Variants in NAE1 observed in about 807,000 individuals in gnomAD.
NAE1 encodes NEDD8-activating enzyme E1 regulatory subunit.
A neutral mutation model predicts 88.0 loss-of-function variants in NAE1; 59 were observed. That is an observed-to-expected ratio of 0.67 (90% CI 0.54 to 0.83). The LOEUF is 0.83. Ranked by LOEUF, NAE1 falls within the 40% of genes least tolerant of loss-of-function variation. The pLI is 0.00. For synonymous variants in NAE1, 186 were observed against 208.9 expected (o/e 0.89, Z 0.95); for missense variants, 554 against 632.8 (o/e 0.88, Z 1.34).
intron 9 of NAE1, 84 bp from the exon 10 acceptor site, chr16:66,817,112 A>G (rs1465963988): frequency 6.8e-7 from 1 of 1,462,878 alleles, no homozygotes; most frequent in African/African-American, 1.5e-5. Flanking sequence ...CCCATTCTCT[A>G]CATAAGATTT....
intron 7 of NAE1, among the ~76,000 whole-genome samples, chr16:66,820,457 T>C (rs1960204535): frequency 6.6e-6 from 1 of 152,168 alleles, no homozygotes; most frequent in Non-Finnish European, 1.5e-5. Flanking sequence ...TGCATGAGAA[T>C]GAAATAAAAG....
Position 66,816,568 on chromosome 16 carries a change from ACT to A in NAE1, c.840+11_840+12del. 6.4e-7 allele frequency: 1 copy of A among 1,566,736 alleles called. No homozygotes were observed. The highest frequency in any genetic ancestry group is 8.8e-7 in the Non-Finnish European group (1 of 1,138,506). The stretch of plus-strand genomic sequence containing the variant: ...TCTTGTTCATGTGAATCCCTCAGCA[ACT>A]CTTTCATTACCTGAGTTGTATTTAG... On this transcript the variant is annotated intron_variant, in intron 11 of 19. Coordinates refer to ENST00000290810, the MANE Select transcript of NAE1 (RefSeq NM_003905.4).
intron 1 of NAE1, 67 bp from the exon 2 acceptor site, chr16:66,826,847 G>C: frequency 6.9e-7 from 1 of 1,453,450 alleles, no homozygotes. Context: ...TTATTTGAAT[G>C]GTGATCTTTA....
chr16:66,805,569 T>G (rs1173195575), intron 19 of NAE1: 3 of 400,870 alleles, frequency 7.5e-6, no homozygotes, highest in Non-Finnish European at 1.3e-5. Flanking sequence ...GCCCAGGAGT[T>G]TGAGGTTGCA....
chr16:66,813,755 A>T (rs16957014), intron 12 of NAE1, 32 bp downstream of exon 12: 141,416 of 1,612,182 alleles, frequency 0.088, 13,127 homozygotes, highest in African/African-American at 0.49. Flanking sequence ...CCAAAGTTTT[A>T]GCAGCAATGT....
chr16:66,814,135 T>C (rs1235030197), intron 11 of NAE1, among the ~76,000 whole-genome samples: 1 of 152,162 alleles, frequency 6.6e-6, no homozygotes, highest in Non-Finnish European at 1.5e-5. Flanking sequence ...TATAGTTACA[T>C]CTGAAGACAA....
In NAE1 at chr16:66,818,650, G is replaced by A; in HGVS notation, c.512-13C>T. 1.1e-5 allele frequency: 17 copies of A among 1,573,256 alleles called. No individual in the cohort carries two copies. The highest frequency in any genetic ancestry group is 3.9e-5 in the Admixed American group (2 of 51,330). ...TGAGATTCTATTACTGTGAAACAAA[G>A]AATTCAAAAGGATAAATTTAACACT... is the stretch of plus-strand genomic sequence containing the variant. On this transcript the variant is annotated splice_polypyrimidine_tract_variant and intron_variant, in intron 7 of 19. Coordinates refer to ENST00000290810, the MANE Select transcript of NAE1 (RefSeq NM_003905.4).
rs1221939961 is a variant in NAE1 at position 66,808,575 on chromosome 16, A to T, written c.1276T>A (p.Tyr426Asn). The T allele has an allele frequency of 6.2e-7, 1 of 1,608,812 alleles. No homozygotes were observed. Among genetic ancestry groups the T allele is most frequent in the African/African-American group, 1.3e-5 (1 of 74,694 alleles). Reference protein sequence around the residue: ...MDNPDNEIVLYLMLRAVDRFH... With the variant: ...MDNPDNEIVLNLMLRAVDRFH... ...CTATCAACAGCCCGTAACATTAAGT[A>T]CAACACTATTTCATTATCTGGATTG... Residue 426 changes from tyrosine to asparagine, a missense_variant, in exon 17 of 20, where the codon TAC becomes AAC. Transcript: ENST00000290810.
At chr16:66,828,852 G>A (rs1413855538) in intron 1 of NAE1, among the ~76,000 whole-genome samples, 1 of 151,994 alleles carries the variant, frequency 6.6e-6, no homozygotes, top group African/African-American at 2.4e-5. Context: ...GCACATGCCT[G>A]TAGTCCCAGC....
At position 66,821,328 on chromosome 16, in the gene NAE1, G is replaced by C. The variant is rs897293912; in HGVS notation, c.511+122C>G. ...TGAATCTGATTGCCACTTTGAATCTGCAACTAGAGATGTGCTGCTACAAAT... is the reference window on the plus strand; with the variant it reads ...TGAATCTGATTGCCACTTTGAATCTCCAACTAGAGATGTGCTGCTACAAAT... On this transcript the variant is annotated intron_variant, in intron 7 of 19. Transcript: ENST00000290810. The C allele has an allele frequency of 8.8e-6, 11 of 1,250,798 alleles. No individual in the cohort carries two copies. In the Admixed American group the frequency reaches 3.9e-4, roughly 45 times the overall value. 77.5% of individuals were successfully genotyped at this position (1,250,798 alleles called of 1,614,324 possible).
At chr16:66,826,311 A>C in intron 3 of NAE1, 1 of 568,038 alleles carries the variant, frequency 1.8e-6, no homozygotes, top group Non-Finnish European at 3.1e-6. Context: ...ATTAATAACA[A>C]TAAAGACAGT....
Position 66,810,408 on chromosome 16 carries a change from TG to T in NAE1, c.1115del (p.Pro372GlnfsTer9). 1 of 1,602,114 alleles carries T rather than the reference TG, an allele frequency of 6.2e-7. No individual in the cohort carries two copies. Among genetic ancestry groups the T allele is most frequent in the South Asian group, 1.1e-5 (1 of 90,492 alleles). On this transcript the variant is annotated frameshift_variant, in exon 15 of 20. Transcript: ENST00000290810. LOFTEE classifies it high-confidence loss of function. ...AKLLQSIGQAPESISEKELKL... is the reference protein window; with the variant it reads ...AKLLQSIGQAXESISEKELKL... The stretch of plus-strand genomic sequence containing the variant: ...TTAATTCTTTCTCTGAAATGGACTC[TG>T]GTGCCTGTAAAGAGATAAATACAGA...
intron 13 of NAE1, among the ~76,000 whole-genome samples, chr16:66,812,049 T>C (rs1959824753): frequency 6.6e-6 from 1 of 152,226 alleles, no homozygotes; most frequent in Non-Finnish European, 1.5e-5. Flanking sequence ...TTCAGGCTAG[T>C]GATACCTGGA....
At chr16:66,814,212 CTAAT>C (rs1959939984) in intron 11 of NAE1, among the ~76,000 whole-genome samples, 1 of 152,054 alleles carries the variant, frequency 6.6e-6, no homozygotes, top group Admixed American at 6.6e-5. Context: ...CCCTTGCACC[CTAAT>C]TAGTGACCGT....
chr16:66,825,446 C>CAAA (rs1232878853), intron 3 of NAE1, among the ~76,000 whole-genome samples: 2 of 75,148 alleles, frequency 2.7e-5, no homozygotes, highest in Non-Finnish European at 5.5e-5. Flanking sequence ...GACTCCGTCT[C>CAAA]AAAAAAAAAA....
At chr16:66,813,242 A>G (rs988779152) in intron 13 of NAE1, 8 of 215,510 alleles carry the variant, frequency 3.7e-5, no homozygotes, top group Non-Finnish European at 7.4e-5. Context: ...TCCTGAGCTC[A>G]AGAGATCCTT....
chr16:66,803,749 C>A (rs1355563827), intron 19 of NAE1, among the ~76,000 whole-genome samples: 4 of 152,034 alleles, frequency 2.6e-5, no homozygotes, highest in Non-Finnish European at 4.4e-5. Context: ...TGCCACCACA[C>A]CTGGATAATT....
Position 66,805,777 on chromosome 16 carries a change from C to A in NAE1, c.1495G>T (p.Gly499Ter), listed in dbSNP as rs865973421. The A allele has an allele frequency of 6.8e-7, 1 of 1,476,688 alleles. No individual in the cohort carries two copies. The highest frequency in any genetic ancestry group is 2.4e-5 in the East Asian group (1 of 41,252). 91.5% of individuals were successfully genotyped at this position (1,476,688 alleles called of 1,614,324 possible). A position where few individuals can be genotyped will look rare whatever the true frequency, so the allele number is the denominator to read the frequency against. Residue 499 changes from glycine to a stop codon, truncating the protein, a stop_gained and splice_region_variant, in exon 19 of 20, where the codon GGA becomes TGA. Transcript: ENST00000290810. LOFTEE classifies it high-confidence loss of function. Reference sequence around the variant, plus strand: ...GAGTCTTCTCATATATGGAACTCACCCCCCAAGAATGCAGCAATGGTATGT... The same window carrying A: ...GAGTCTTCTCATATATGGAACTCACACCCCAAGAATGCAGCAATGGTATGT... ...EPHTIAAFLG[G>*]AAAQEVIKII...
At chr16:66,812,149 A>C (rs1362390637) in intron 13 of NAE1, among the ~76,000 whole-genome samples, 1 of 152,204 alleles carries the variant, frequency 6.6e-6, no homozygotes, top group Admixed American at 6.5e-5. Context: ...TAAGTTACAA[A>C]TACAAGGTAG....
Sources: gnomAD v4.1 joint callset for allele counts (sites outside exome capture counted in the v4.1 genomes callset) on GRCh38, gnomAD v4.1.1 for gene constraint, MANE v1.5 for transcripts, NCBI Gene and HGNC (gene_info 2026-07-23, HGNC 2026-07-21) for gene names.